The following TSNARE1 variants were observed in gnomAD, a reference collection of about 807,000 sequenced individuals.
TSNARE1 encodes t-SNARE domain containing 1.
A neutral mutation model predicts 62.0 loss-of-function variants in TSNARE1; 49 were observed. The ratio of observed to expected loss-of-function variants is 0.79; its 90% CI spans 0.63 to 1.00. TSNARE1 has a LOEUF of 1.00. Ranked by LOEUF, TSNARE1 falls within the 50% of genes least tolerant of loss-of-function variation. The probability of loss-of-function intolerance (pLI) is 0.00; values close to 1 mark genes in which losing one functional copy is unlikely to be tolerated. For synonymous variants in TSNARE1, 328 were observed against 294.4 expected, an observed-to-expected ratio of 1.11 and a Z score of -1.17; for missense variants, 755 against 700.1, an observed-to-expected ratio of 1.08 and a Z score of -0.88.
chr8:142,249,669 G>A (rs930304525), intron 12 of TSNARE1, among the ~76,000 whole-genome samples: 4 of 152,176 alleles, frequency 2.6e-5, no homozygotes, highest in East Asian at 1.9e-4. Context: ...CAGGCAGGCC[G>A]TCCGCGTCAG....
chr8:142,278,532 G>A (rs1210207185), intron 11 of TSNARE1: 3 of 985,352 alleles, frequency 3.0e-6, no homozygotes, highest in East Asian at 1.1e-4. Context: ...GGACGGCGAA[G>A]GAGCTCCTGG....
At chr8:142,255,998 T>C (rs1484440634) in intron 12 of TSNARE1, among the ~76,000 whole-genome samples, 30 of 46,716 alleles carry the variant, frequency 6.4e-4, no homozygotes, top group African/African-American at 1.2e-3. Context: ...ACCGTCACCA[T>C]CACCACCACC....
chr8:142,253,063 C>T (rs1818251963), intron 12 of TSNARE1, among the ~76,000 whole-genome samples: 1 of 152,246 alleles, frequency 6.6e-6, no homozygotes, highest in Non-Finnish European at 1.5e-5. Flanking sequence ...TGTTCACAGA[C>T]TGGATGTGCC....
intron 11 of TSNARE1, chr8:142,275,616 T>A: frequency 1.0e-6 from 1 of 985,382 alleles, no homozygotes; most frequent in Non-Finnish European, 1.2e-6. Flanking sequence ...CAGAGCCACA[T>A]GCAAACACGA....
upstream of TSNARE1, chr8:142,405,449 G>A (rs1182753297): frequency 2.0e-5 from 3 of 152,138 alleles, no homozygotes; most frequent in Non-Finnish European, 4.4e-5. Context: ...CTAAGGGGGT[G>A]GGGGTTGCCT....
intron 12 of TSNARE1, among the ~76,000 whole-genome samples, chr8:142,257,760 C>T (rs938049670): frequency 1.3e-5 from 2 of 152,086 alleles, no homozygotes; most frequent in African/African-American, 4.8e-5. Context: ...CTCTACCCAC[C>T]CTGGCCAGGC....
intron 9 of TSNARE1, among the ~76,000 whole-genome samples, chr8:142,307,230 C>T (rs548003678): frequency 1.3e-5 from 2 of 152,190 alleles, no homozygotes; most frequent in East Asian, 1.9e-4. Flanking sequence ...CACCAGTGGG[C>T]GTGGTGGCCA....
At chr8:142,342,534 C>A (rs1000319688) in intron 4 of TSNARE1, among the ~76,000 whole-genome samples, 1 of 152,168 alleles carries the variant, frequency 6.6e-6, no homozygotes, top group African/African-American at 2.4e-5. Context: ...GCAGCTTCCA[C>A]ACCAGGACGG....
intron 13 of TSNARE1, among the ~76,000 whole-genome samples, chr8:142,214,739 G>A (rs1255183185): frequency 1.3e-5 from 2 of 152,166 alleles, no homozygotes; most frequent in Admixed American, 6.5e-5. Context: ...GGTCCTGAGG[G>A]TGCAGCCTCC....
intron 2 of TSNARE1, among the ~76,000 whole-genome samples, chr8:142,354,031 C>T (rs1339049152): frequency 1.3e-5 from 2 of 152,058 alleles, no homozygotes; most frequent in Non-Finnish European, 2.9e-5. Flanking sequence ...CGTGAAGGGC[C>T]GGATGTGCAG....
chr8:142,337,881 G>A lies in TSNARE1; in HGVS notation c.746-6050C>T, dbSNP rs948781468. 3.3e-5 allele frequency among the ~76,000 whole-genome samples: 5 copies of A among 152,300 alleles called. No individual in the cohort carries two copies. In the South Asian group the frequency reaches 8.3e-4, roughly 25 times the overall value. ...TGGGTCCGGGAACCCTCAGAGGGACGGCCACCCAGCTGAAGACCCTGGCTT... is the reference window on the plus strand; with the variant it reads ...TGGGTCCGGGAACCCTCAGAGGGACAGCCACCCAGCTGAAGACCCTGGCTT... On this transcript the variant is annotated intron_variant, in intron 4 of 13. Coordinates refer to ENST00000524325, the MANE Select transcript of TSNARE1 (RefSeq NM_145003.5).
chr8:142,276,023 C>T lies in TSNARE1; in HGVS notation c.1364-1160G>A, dbSNP rs901944305. On this transcript the variant is annotated intron_variant, in intron 11 of 13. Coordinates refer to ENST00000524325, the MANE Select transcript of TSNARE1 (RefSeq NM_145003.5). ...CCTTCAGAAGCCCCCACCCAGGCCT[C>T]ACAGGGATCCTTGAACCCTTGGTCA... 6 of 985,328 alleles carry T rather than the reference C, an allele frequency of 6.1e-6. No individual in the cohort carries two copies. In the African/African-American group the frequency reaches 1.0e-4, roughly 17 times the overall value. 61.0% of individuals were successfully genotyped at this position (985,328 alleles called of 1,614,324 possible).
chr8:142,215,424 C>T (rs2129822754), intron 13 of TSNARE1, among the ~76,000 whole-genome samples: 1 of 152,230 alleles, frequency 6.6e-6, no homozygotes, highest in Non-Finnish European at 1.5e-5. Context: ...GTGCCTGATG[C>T]CCCCATCTTC....
In TSNARE1 at chr8:142,394,504, C is replaced by T. The variant is rs562718288; in HGVS notation, c.-40+8600G>A. On this transcript the variant is annotated intron_variant, in intron 1 of 13. Transcript: ENST00000524325. ...GCAGCAGGTCTAAGACTAGAACCTC[C>T]GGGGTTCCAAGGCACAAATCGACTC... 3.9e-5 allele frequency among the ~76,000 whole-genome samples: 6 copies of T among 152,258 alleles called. No individual in the cohort carries two copies. The South Asian group carries it at 1.2e-3, about 32-fold the overall frequency.
chr8:142,389,229 A>G (rs556852410), intron 1 of TSNARE1, among the ~76,000 whole-genome samples: 3 of 152,352 alleles, frequency 2.0e-5, no homozygotes, highest in East Asian at 3.9e-4. Flanking sequence ...CACATCTCAC[A>G]CCATATACAA....
At chr8:142,334,089 G>T (rs1831435733) in intron 4 of TSNARE1, among the ~76,000 whole-genome samples, 1 of 152,252 alleles carries the variant, frequency 6.6e-6, no homozygotes, top group South Asian at 2.1e-4. Context: ...ATGGACCATG[G>T]TCTATACTTG....
intron 1 of TSNARE1, among the ~76,000 whole-genome samples, chr8:142,374,544 T>C (rs1836178414): frequency 6.6e-6 from 1 of 151,846 alleles, no homozygotes; most frequent in Non-Finnish European, 1.5e-5. Context: ...CCAGGCGTGA[T>C]GGCGGGCGCC....
chr8:142,385,108 AGAGG>A (rs1372246658), intron 1 of TSNARE1, among the ~76,000 whole-genome samples: 1 of 152,050 alleles, frequency 6.6e-6, no homozygotes, highest in Non-Finnish European at 1.5e-5. Flanking sequence ...AGGAAGGAAG[AGAGG>A]GAGGGAGGGA....
At chr8:142,391,186 G>A (rs1440692459) in intron 1 of TSNARE1, among the ~76,000 whole-genome samples, 4 of 142,964 alleles carry the variant, frequency 2.8e-5, no homozygotes, top group Non-Finnish European at 3.0e-5. Flanking sequence ...GCTGTACACT[G>A]CTGGGGACTC....
Sources: allele counts gnomAD v4.1 joint callset (sites outside exome capture counted in the v4.1 genomes callset), GRCh38; gene constraint gnomAD v4.1.1; transcripts MANE v1.5; gene names NCBI Gene and HGNC (gene_info 2026-07-23, HGNC 2026-07-21).